The following PPP1CC variants were observed in gnomAD, a reference collection of about 807,000 sequenced individuals.
PPP1CC encodes serine/threonine-protein phosphatase PP1-gamma catalytic subunit.
In PPP1CC, 16 loss-of-function variants were observed where a neutral mutation model predicts 38.4. That is an observed-to-expected ratio of 0.42 (90% CI 0.28 to 0.63). The LOEUF (loss-of-function observed/expected upper bound fraction) is 0.63. PPP1CC is among the 30% of genes least tolerant of loss of function. The pLI is 0.25. For missense variants in PPP1CC, 170 were observed against 391.3 expected (o/e 0.43, Z 4.77); for synonymous variants, 158 against 136.0 (o/e 1.16, Z -1.13).
chr12:110,718,301 C>T (rs770615711), downstream of PPP1CC, among the ~76,000 whole-genome samples: 4 of 152,170 alleles, frequency 2.6e-5, no homozygotes, highest in Non-Finnish European at 5.9e-5. Flanking sequence ...ACTAAGGATG[C>T]CTAGCACCTG....
chr12:110,740,898 G>T (rs1024064627), intron 1 of PPP1CC, among the ~76,000 whole-genome samples: 1 of 152,142 alleles, frequency 6.6e-6, no homozygotes, highest in African/African-American at 2.4e-5. Context: ...TGTTTCCTCA[G>T]AGAAATAAAG....
chr12:110,729,545 C>T (rs1387988180), intron 3 of PPP1CC, among the ~76,000 whole-genome samples: 1 of 152,084 alleles, frequency 6.6e-6, no homozygotes, highest in Non-Finnish European at 1.5e-5. Flanking sequence ...TCGAAGTATA[C>T]CTTTAATTAA....
chr12:110,736,757 G>C (rs2069948579), intron 1 of PPP1CC, among the ~76,000 whole-genome samples: 1 of 152,188 alleles, frequency 6.6e-6, no homozygotes, highest in South Asian at 2.1e-4. Flanking sequence ...AGCAAAGATG[G>C]AAACTATGGA....
At chr12:110,718,418 T>C (rs1184225662), downstream of PPP1CC, among the ~76,000 whole-genome samples, 1 of 152,176 alleles carries the variant, frequency 6.6e-6, no homozygotes, top group African/African-American at 2.4e-5. Context: ...CACTAATAAT[T>C]ACAACTTCCT....
downstream of PPP1CC, among the ~76,000 whole-genome samples, chr12:110,719,210 T>C (rs968116707): frequency 4.6e-5 from 7 of 152,132 alleles, no homozygotes; most frequent in African/African-American, 1.7e-4. Flanking sequence ...AGTTTGGATA[T>C]TGTCAATGTG....
At chr12:110,741,249 CGAGAT>C in intron 1 of PPP1CC, among the ~76,000 whole-genome samples, 1 of 151,658 alleles carries the variant, frequency 6.6e-6, no homozygotes, top group African/African-American at 2.4e-5. Context: ...AAGAAAAGGA[CGAGAT>C]ATTTTCAGGA....
intron 2 of PPP1CC, among the ~76,000 whole-genome samples, chr12:110,731,549 C>T (rs1045571013): frequency 3.3e-5 from 5 of 151,390 alleles, no homozygotes; most frequent in African/African-American, 9.8e-5. Flanking sequence ...ATGTTTATTC[C>T]TTCAGCAAAA....
At chr12:110,739,091 G>A (rs1376641188) in intron 1 of PPP1CC, among the ~76,000 whole-genome samples, 1 of 152,100 alleles carries the variant, frequency 6.6e-6, no homozygotes. Flanking sequence ...AGTCTGAGGC[G>A]GGCAGACCAC....
intron 1 of PPP1CC, among the ~76,000 whole-genome samples, chr12:110,733,380 T>G (rs908885801): frequency 3.3e-5 from 5 of 152,216 alleles, no homozygotes; most frequent in African/African-American, 4.8e-5. Context: ...AGAGTATTTC[T>G]GCGATAAATA....
intron 1 of PPP1CC, among the ~76,000 whole-genome samples, chr12:110,736,872 T>C (rs2136564528): frequency 6.6e-6 from 1 of 152,244 alleles, no homozygotes; most frequent in South Asian, 2.1e-4. Flanking sequence ...ATTAAAGAAA[T>C]AGCATATACT....
downstream of PPP1CC, among the ~76,000 whole-genome samples, chr12:110,719,519 G>T (rs1240830952): frequency 6.6e-6 from 1 of 152,200 alleles, no homozygotes; most frequent in East Asian, 1.9e-4. Flanking sequence ...AACCAGGGAA[G>T]GGGGAAGAGA....
In PPP1CC at chr12:110,722,124, G is replaced by A. The variant is rs768365416; in HGVS notation, c.882+11C>T. ...ATATTAAAAGGAAATCATGTTGAAA[G>A]CATGCTCTACCTGAAAAGAACACAT... On this transcript the variant is annotated intron_variant, in intron 6 of 6. Transcript: ENST00000335007. This position sits in a 1 kb window ranked among gnomAD's most constrained non-coding sequence, Gnocchi z 5.4. 1.2e-6 allele frequency: 2 copies of A among 1,613,076 alleles called. No homozygotes were observed. Among genetic ancestry groups the A allele is most frequent in the Admixed American group, 3.3e-5 (2 of 59,724 alleles).
At chr12:110,723,038 T>C (rs557209852) in intron 4 of PPP1CC, among the ~76,000 whole-genome samples, 7 of 152,390 alleles carry the variant, frequency 4.6e-5, no homozygotes, top group African/African-American at 1.4e-4. Flanking sequence ...GATGTTATGA[T>C]TGATGGCTTA....
downstream of PPP1CC, among the ~76,000 whole-genome samples, chr12:110,719,098 T>C (rs902758857): frequency 7.9e-5 from 12 of 152,310 alleles, no homozygotes; most frequent in Admixed American, 1.3e-4. Flanking sequence ...ATTCAGGACA[T>C]AAAGATGTGC....
chr12:110,730,392 G>T, intron 3 of PPP1CC, 137 bp downstream of exon 3: 2 of 764,478 alleles, frequency 2.6e-6, no homozygotes, highest in Non-Finnish European at 4.1e-6. Flanking sequence ...CTAAAAACAA[G>T]TTGATGAAAT....
intron 1 of PPP1CC, among the ~76,000 whole-genome samples, chr12:110,740,754 A>C (rs1245302616): frequency 6.6e-6 from 1 of 152,210 alleles, no homozygotes; most frequent in Non-Finnish European, 1.5e-5. Context: ...TACTTATTAC[A>C]ATTTTAAAGA....
chr12:110,711,726 A>G, the PPP1CC span, among the ~76,000 whole-genome samples: 1 of 151,760 alleles, frequency 6.6e-6, no homozygotes, highest in Admixed American at 6.6e-5. Context: ...GGAGTTCGAG[A>G]CCAGCCTGAC....
At chr12:110,729,038 A>G (rs1385582053) in intron 3 of PPP1CC, among the ~76,000 whole-genome samples, 4 of 152,190 alleles carry the variant, frequency 2.6e-5, no homozygotes, top group Non-Finnish European at 5.9e-5. Flanking sequence ...TAATCATATT[A>G]GCAAATGCCA....
chr12:110,721,933 C>T (rs1185947221), intron 6 of PPP1CC: 1 of 549,976 alleles, frequency 1.8e-6, no homozygotes, highest in African/African-American at 1.9e-5. Context: ...TATAATTCAA[C>T]ACTGGGAAAA....
Sources: allele counts gnomAD v4.1 joint callset (sites outside exome capture counted in the v4.1 genomes callset), GRCh38; gene constraint gnomAD v4.1.1; non-coding constraint Gnocchi (gnomAD v3.1); transcripts MANE v1.5; gene names NCBI Gene and HGNC (gene_info 2026-07-23, HGNC 2026-07-21).